VPS13D: variants seen among roughly 807,000 people sequenced by gnomAD.
VPS13D encodes the protein vacuolar protein sorting 13 homolog D.
VPS13D carries 187 observed loss-of-function variants against 461.9 expected under a neutral mutation model. The ratio of observed to expected loss-of-function variants is 0.40; its 90% CI spans 0.36 to 0.46. The LOEUF is 0.46. VPS13D is among the 20% of genes least tolerant of loss of function. The probability of loss-of-function intolerance (pLI) is 0.60; values close to 1 mark genes in which losing one functional copy is unlikely to be tolerated. For missense variants in VPS13D, 4,711 were observed against 5,364.9 expected (o/e 0.88, Z 3.81); for synonymous variants, 1,951 against 1,986.3 (o/e 0.98, Z 0.47).
chr1:12,358,604 G>A lies in VPS13D; in HGVS notation c.10141+3G>A. The A allele has an allele frequency of 6.2e-7, 1 of 1,613,822 alleles. No individual in the cohort carries two copies. Among genetic ancestry groups the A allele is most frequent in the Admixed American group, 1.7e-5 (1 of 59,980 alleles). On this transcript the variant is annotated splice_donor_region_variant and intron_variant, in intron 50 of 69. Coordinates refer to ENST00000620676, the MANE Select transcript of VPS13D (RefSeq NM_015378.4). ...CCCAGGGCTGATCTATAACATTGGT[G>A]GGTTACATTTGGGGCAGCGGGACAA... is the stretch of plus-strand genomic sequence containing the variant.
chr1:12,369,625 C>T lies in VPS13D; in HGVS notation c.10731C>T (p.Asn3577=). 6.2e-7 allele frequency: 1 copy of T among 1,614,196 alleles called. No homozygotes were observed. Among genetic ancestry groups the T allele is most frequent in the Non-Finnish European group, 8.5e-7 (1 of 1,180,030 alleles). ...CAGGGTCCTCTGAGATCAACTGCAA[C>T]ATGAATGATTTCCAGGATAATCGGC... The part of the protein sequence containing the change: ...KGAGSSEINC[N]MNDFQDNRQL... The change falls in exon 54 of 70, where the codon AAC becomes AAT. Residue 3577 remains asparagine, a synonymous_variant. Transcript: ENST00000620676.
In VPS13D at chr1:12,473,451, G is replaced by A. The variant is rs1028515841; in HGVS notation, c.12662+13055G>A. Among the ~76,000 whole-genome samples the A allele has an allele frequency of 6.6e-6, 1 of 152,210 alleles. No homozygotes were observed. The highest frequency in any genetic ancestry group is 2.4e-5 in the African/African-American group (1 of 41,454). Reference sequence around the variant, plus strand: ...GGTAAACAGGCCTACTGGGGAGTCGGTTGGCCCTGGGTTTGAGTCATTGGG... The same window carrying A: ...GGTAAACAGGCCTACTGGGGAGTCGATTGGCCCTGGGTTTGAGTCATTGGG... On this transcript the variant is annotated intron_variant, in intron 67 of 69. Coordinates refer to ENST00000620676, the MANE Select transcript of VPS13D (RefSeq NM_015378.4). The surrounding 1 kb of genome is among the most constrained non-coding windows in gnomAD (Gnocchi z 4.2).
intron 57 of VPS13D, among the ~76,000 whole-genome samples, chr1:12,382,345 G>A (rs1004529691): frequency 3.0e-4 from 45 of 152,044 alleles, no homozygotes; most frequent in African/African-American, 8.7e-4. Context: ...CAGATGATTC[G>A]CCCGCCTTGG....
intron 24 of VPS13D, among the ~76,000 whole-genome samples, chr1:12,298,434 G>A (rs896239133): frequency 5.9e-5 from 9 of 152,134 alleles, no homozygotes; most frequent in African/African-American, 2.2e-4. Flanking sequence ...GAGGCCGGGA[G>A]TTTGAGACCA....
chr1:12,459,757 G>A (rs1019628856), intron 66 of VPS13D, among the ~76,000 whole-genome samples: 5 of 152,040 alleles, frequency 3.3e-5, no homozygotes, highest in African/African-American at 4.8e-5. Flanking sequence ...GATTATGGGC[G>A]TGAGCCACTG....
intron 13 of VPS13D, among the ~76,000 whole-genome samples, chr1:12,265,669 G>A (rs1641246284): frequency 6.6e-6 from 1 of 152,204 alleles, no homozygotes; most frequent in Non-Finnish European, 1.5e-5. Flanking sequence ...AGACTTAAGT[G>A]GAGGAAGTAA....
At chr1:12,420,786 G>C (rs1644853376) in intron 65 of VPS13D, among the ~76,000 whole-genome samples, 2 of 152,162 alleles carry the variant, frequency 1.3e-5, no homozygotes, top group Admixed American at 6.5e-5. Flanking sequence ...TAACATTTAT[G>C]AAAAGATGAT....
At chr1:12,407,031 A>G (rs920959650) in intron 63 of VPS13D, among the ~76,000 whole-genome samples, 2 of 152,182 alleles carry the variant, frequency 1.3e-5, no homozygotes, top group Non-Finnish European at 1.5e-5. Context: ...TTTGTTGGGA[A>G]ACTTCAGACC....
rs531894364 is a variant in VPS13D, at chr1:12,261,265, C to T, written c.1414+116C>T. On this transcript the variant is annotated intron_variant, in intron 12 of 69. Transcript: ENST00000620676. ...AGATATTTGGAGAACAGTTTATGTT[C>T]ATAGAGGCTGAGAGAAGAAGTATTT... 9.4e-5 allele frequency: 116 copies of T among 1,228,870 alleles called. 1 individual carries two copies. In the African/African-American group the frequency reaches 1.2e-3, roughly 13 times the overall value. 76.1% of individuals were successfully genotyped at this position (1,228,870 alleles called of 1,614,324 possible).
rs541844820 is a variant in VPS13D at position 12,273,171 on chromosome 1, T to C, written c.2236+36T>C. ...AGTGGGAAATAATGAAAACCTGCCT[T>C]GGTAGATGGATGATCTATCTATGAT... On this transcript the variant is annotated intron_variant, in intron 18 of 69. Transcript: ENST00000620676. The C allele has an allele frequency of 3.2e-5, 52 of 1,606,978 alleles. 1 individual carries two copies. In the South Asian group the frequency reaches 4.6e-4, roughly 14 times the overall value.
intron 20 of VPS13D, among the ~76,000 whole-genome samples, chr1:12,280,656 T>G (rs1569788611): frequency 6.6e-6 from 1 of 152,012 alleles, no homozygotes; most frequent in Non-Finnish European, 1.5e-5. Flanking sequence ...CACTGGCTAA[T>G]TTTTGTATTT....
chr1:12,262,547 A>G (rs1641142949), intron 13 of VPS13D, among the ~76,000 whole-genome samples: 1 of 152,186 alleles, frequency 6.6e-6, no homozygotes, highest in Non-Finnish European at 1.5e-5. Context: ...GTCATGAGGT[A>G]AGCAGCTAAT....
chr1:12,233,051 G>A (rs1346570489), intron 1 of VPS13D, among the ~76,000 whole-genome samples: 1 of 151,018 alleles, frequency 6.6e-6, no homozygotes, highest in Non-Finnish European at 1.5e-5. Context: ...TGTCACCCAG[G>A]CTGGAGTGCG....
At chr1:12,436,158 G>T (rs1477357508) in intron 65 of VPS13D, among the ~76,000 whole-genome samples, 2 of 152,250 alleles carry the variant, frequency 1.3e-5, no homozygotes, top group East Asian at 1.9e-4. Context: ...TCCAGCAGGG[G>T]AGGAGGACTT....
rs767555989 is a variant in VPS13D at position 12,277,964 on chromosome 1, C to T, written c.4376C>T (p.Ser1459Phe). The T allele has an allele frequency of 1.5e-5, 24 of 1,614,088 alleles. No homozygotes were observed. The highest frequency in any genetic ancestry group is 1.9e-5 in the Non-Finnish European group (23 of 1,180,038). Residue 1459 changes from serine (S) to phenylalanine (F), a missense_variant, in exon 19 of 70, where the codon TCT becomes TTT. By Grantham distance (155) the Ser-to-Phe change is radical. Coordinates refer to ENST00000620676, the MANE Select transcript of VPS13D (RefSeq NM_015378.4). ...GSRMFCPPSG[S>F]GSANSQEEAH... Reference sequence around the variant, plus strand: ...CGGATGTTTTGCCCACCTTCCGGGTCTGGCAGTGCCAACAGTCAGGAGGAA... The same window carrying T: ...CGGATGTTTTGCCCACCTTCCGGGTTTGGCAGTGCCAACAGTCAGGAGGAA...
chr1:12,282,927 G>A lies in VPS13D; in HGVS notation c.4825G>A (p.Val1609Met), dbSNP rs764301627. ...LSNTSQKSLSVKEVKSFTQIQ... is the reference protein window; with the variant it reads ...LSNTSQKSLSMKEVKSFTQIQ... ...TAACACCTCTCAGAAGTCATTGTCA[G>A]TGAAGGAAGTCAAATCCTTTACTCA... is the stretch of plus-strand genomic sequence containing the variant. The change falls in exon 21 of 70, where the codon GTG (valine) becomes ATG (methionine). Residue 1609 changes from valine to methionine, a missense_variant. By Grantham distance (21) the Val-to-Met change is conservative. Around this residue, in one of 3 missense-constraint regions of VPS13D, gnomAD observed 4,411 missense variants for 4,937.8 expected, o/e 0.89. Coordinates refer to ENST00000620676, the MANE Select transcript of VPS13D (RefSeq NM_015378.4). The A allele has an allele frequency of 1.2e-6, 2 of 1,614,190 alleles. No individual in the cohort carries two copies.
At chr1:12,268,897 G>C in intron 16 of VPS13D, 21 bp downstream of exon 16, 9 of 1,599,608 alleles carry the variant, frequency 5.6e-6, no homozygotes, top group Non-Finnish European at 6.8e-6. Context: ...TTGTTTGTTT[G>C]ATCTTATGTT....
rs886615855 is a variant in VPS13D at position 12,292,435 on chromosome 1, CTTTTTTTTTTTTT to C, written c.5853-1079_5853-1067del. 6.2e-5 allele frequency among the ~76,000 whole-genome samples: 6 copies of C among 96,918 alleles called. No individual in the cohort carries two copies. The East Asian group carries it at 1.7e-3, about 27-fold the overall frequency. 63.6% of individuals were successfully genotyped at this position (96,918 alleles called of 152,430 possible). On this transcript the variant is annotated intron_variant, in intron 23 of 69. Coordinates refer to ENST00000620676, the MANE Select transcript of VPS13D (RefSeq NM_015378.4). ...ATTGGTCTAGGGCCATGCTCAGTCT[CTTTTTTTTTTTTT>C]TTTTTTTTTGAGACGAGGTCTCGCT...
Position 12,346,585 on chromosome 1 carries a change from A to T in VPS13D, c.9022-20A>T. 1 of 1,612,392 alleles carries T rather than the reference A, an allele frequency of 6.2e-7. No homozygotes were observed. The highest frequency in any genetic ancestry group is 8.5e-7 in the Non-Finnish European group (1 of 1,179,522). ...TTATCTTAAGTCTGTGCTGACTCTA[A>T]CTTTTGAAATCTTTTTCAGATTGGC... On this transcript the variant is annotated intron_variant, in intron 43 of 69. Transcript: ENST00000620676.
Sources: allele counts gnomAD v4.1 joint callset (sites outside exome capture counted in the v4.1 genomes callset), GRCh38; gene constraint gnomAD v4.1.1; regional missense constraint gnomAD v4.1.1; non-coding constraint Gnocchi (gnomAD v3.1); transcripts MANE v1.5; gene names NCBI Gene and HGNC (gene_info 2026-07-23, HGNC 2026-07-21).